Variants in SPIDR observed in about 807,000 individuals in gnomAD.
SPIDR encodes the protein DNA repair-scaffolding protein.
In SPIDR, 93 loss-of-function variants were observed where a neutral mutation model predicts 104.6. That is an observed-to-expected ratio of 0.89 (90% CI 0.75 to 1.06). The LOEUF (loss-of-function observed/expected upper bound fraction) is 1.06. Among genes scored for constraint, SPIDR ranks in the 50% least tolerant of loss-of-function variants. The pLI, the probability that SPIDR is intolerant of heterozygous loss-of-function variation, is 0.00. For missense variants in SPIDR, 1,154 were observed against 1,111.2 expected (o/e 1.04, Z -0.55); for synonymous variants, 431 against 416.9 (o/e 1.03, Z -0.41).
chr8:47,613,934 ATGGTAGTTTGC>A (rs1178527559), intron 10 of SPIDR, among the ~76,000 whole-genome samples: 8 of 152,230 alleles, frequency 5.3e-5, no homozygotes, highest in Admixed American at 5.2e-4. Context: ...AATGTGTGCC[ATGGTAGTTTGC>A]TGCACCTATC....
At chr8:47,465,044 A>G (rs1163629116) in intron 8 of SPIDR, among the ~76,000 whole-genome samples, 1 of 152,158 alleles carries the variant, frequency 6.6e-6, no homozygotes, top group Non-Finnish European at 1.5e-5. Context: ...GATTATGGGC[A>G]TGAGCCACCG....
chr8:47,586,280 C>T (rs1477605391), intron 8 of SPIDR, among the ~76,000 whole-genome samples: 1 of 151,946 alleles, frequency 6.6e-6, no homozygotes, highest in African/African-American at 2.4e-5. Context: ...TTGGTAGTTG[C>T]GTGCTTAGTT....
At chr8:47,722,829 T>C (rs2083600626) in intron 16 of SPIDR, among the ~76,000 whole-genome samples, 1 of 151,968 alleles carries the variant, frequency 6.6e-6, no homozygotes, top group Non-Finnish European at 1.5e-5. Context: ...TCCAGGCTGC[T>C]CTCAAACTCC....
At chr8:47,338,692 G>A (rs1245716109) in intron 5 of SPIDR, among the ~76,000 whole-genome samples, 6 of 152,084 alleles carry the variant, frequency 3.9e-5, no homozygotes, top group African/African-American at 1.4e-4. Context: ...TCTATCTAAT[G>A]TTCTAAAACT....
At chr8:47,511,855 C>G in intron 8 of SPIDR, 1 of 845,614 alleles carries the variant, frequency 1.2e-6, no homozygotes, top group Non-Finnish European at 2.1e-6. Flanking sequence ...CTCTGAGGCC[C>G]CGGCATAAAA....
intron 5 of SPIDR, among the ~76,000 whole-genome samples, chr8:47,300,634 T>A (rs2041900258): frequency 6.6e-6 from 1 of 152,224 alleles, no homozygotes; most frequent in Non-Finnish European, 1.5e-5. Context: ...TCCCAGAGAT[T>A]CTGGTATGTT....
chr8:47,386,067 T>C (rs1194338083), intron 5 of SPIDR, among the ~76,000 whole-genome samples: 3 of 152,058 alleles, frequency 2.0e-5, no homozygotes, highest in Non-Finnish European at 2.9e-5. Flanking sequence ...GCTTTTTTTT[T>C]CTCTCTGGAT....
intron 12 of SPIDR, among the ~76,000 whole-genome samples, chr8:47,700,814 T>C (rs980253217): frequency 7.2e-5 from 11 of 152,308 alleles, no homozygotes; most frequent in East Asian, 3.9e-4. Flanking sequence ...AGTAAACATA[T>C]AGAATTTTTC....
chr8:47,727,017 A>G (rs760909702), intron 16 of SPIDR, among the ~76,000 whole-genome samples, 183 bp from the exon 17 acceptor site: 2 of 152,222 alleles, frequency 1.3e-5, no homozygotes, highest in Admixed American at 1.3e-4. Flanking sequence ...CGTACTTCTT[A>G]TTGTTATAAT....
At chr8:47,293,469 C>T (rs961668793) in intron 4 of SPIDR, among the ~76,000 whole-genome samples, 1 of 151,858 alleles carries the variant, frequency 6.6e-6, no homozygotes. Context: ...TTTTTTGAGA[C>T]AGAGTCTCGT....
intron 5 of SPIDR, among the ~76,000 whole-genome samples, chr8:47,358,554 T>G (rs369919675): frequency 6.6e-6 from 1 of 152,198 alleles, no homozygotes; most frequent in Non-Finnish European, 1.5e-5. Flanking sequence ...ATTTTAAGAT[T>G]AAGGTTTGAG....
chr8:47,619,764 A>G (rs2064869898), intron 10 of SPIDR, among the ~76,000 whole-genome samples: 2 of 151,982 alleles, frequency 1.3e-5, no homozygotes, highest in Non-Finnish European at 2.9e-5. Context: ...AAGTCTTTAT[A>G]GTGCTGAGCT....
intron 5 of SPIDR, among the ~76,000 whole-genome samples, chr8:47,379,992 C>T (rs1188292100): frequency 6.6e-6 from 1 of 152,192 alleles, no homozygotes; most frequent in Non-Finnish European, 1.5e-5. Flanking sequence ...TTCCATTTTC[C>T]CCACCCATTG....
chr8:47,320,852 G>A (rs908596255), intron 5 of SPIDR, among the ~76,000 whole-genome samples: 31 of 152,106 alleles, frequency 2.0e-4, no homozygotes, highest in African/African-American at 5.8e-4. Flanking sequence ...AAAACCACAT[G>A]ATTATCTCAA....
At chr8:47,728,691 C>G (rs2084703864) in intron 17 of SPIDR, 3 of 377,644 alleles carry the variant, frequency 7.9e-6, no homozygotes, top group Non-Finnish European at 1.4e-5. Context: ...GCTCAGCATC[C>G]CCTCCTCTGC....
chr8:47,297,704 G>A (rs1435284098), intron 5 of SPIDR, among the ~76,000 whole-genome samples: 1 of 151,992 alleles, frequency 6.6e-6, no homozygotes, highest in Admixed American at 6.6e-5. Context: ...GAGAACATGC[G>A]CTGTTTGGTT....
intron 10 of SPIDR, among the ~76,000 whole-genome samples, chr8:47,644,703 T>G (rs1353185973): frequency 1.3e-5 from 2 of 152,200 alleles, no homozygotes; most frequent in Non-Finnish European, 2.9e-5. Context: ...TCCTAGTACA[T>G]GGTGAATGCT....
At chr8:47,278,178 G>A (rs2036971048) in intron 1 of SPIDR, among the ~76,000 whole-genome samples, 1 of 149,766 alleles carries the variant, frequency 6.7e-6, no homozygotes, top group East Asian at 2.0e-4. Context: ...TTTGTTTTTG[G>A]AGATAGGATC....
rs370795729 is a variant in SPIDR at position 47,668,795 on chromosome 8, A to G, written c.1545-5006A>G. On this transcript the variant is annotated intron_variant, in intron 10 of 19. Transcript: ENST00000297423. ...AAAGTTCAATATACAAGGCCATTGT[A>G]TTTCTACACACCAGCAACACACAAC... Among the ~76,000 whole-genome samples, 4 of 152,250 alleles carry G rather than the reference A, an allele frequency of 2.6e-5. 1 individual carries two copies. The East Asian group carries it at 7.7e-4, about 29-fold the overall frequency.
Sources: gnomAD v4.1 joint callset for allele counts (sites outside exome capture counted in the v4.1 genomes callset) on GRCh38, gnomAD v4.1.1 for gene constraint, MANE v1.5 for transcripts, NCBI Gene and HGNC (gene_info 2026-07-23, HGNC 2026-07-21) for gene names.